The following VPS9D1 variants were observed in gnomAD, a reference collection of about 807,000 sequenced individuals.
The protein encoded by VPS9D1 is VPS9 domain-containing protein 1.
A neutral mutation model predicts 75.8 loss-of-function variants in VPS9D1; 78 were observed. The observed-to-expected ratio is 1.03, with a 90% CI of 0.86 to 1.24. VPS9D1 has a LOEUF of 1.24. VPS9D1 is among the 50% of genes most tolerant of loss of function. The probability of loss-of-function intolerance (pLI) is 0.00; values close to 1 mark genes in which losing one functional copy is unlikely to be tolerated. For missense variants in VPS9D1, 1,057 were observed against 847.7 expected (o/e 1.25, Z -3.07); for synonymous variants, 481 against 385.6 (o/e 1.25, Z -2.90).
At chr16:89,720,241 A>C (rs111836360) in intron 1 of VPS9D1, among the ~76,000 whole-genome samples, 44,344 of 152,048 alleles carry the variant, frequency 0.29, 8,523 homozygotes, top group Non-Finnish European at 0.42. Context: ...TGGCTGGGCC[A>C]GCTTCTCTAC....
At chr16:89,709,188 G>T in intron 12 of VPS9D1, 39 bp downstream of exon 12, 1 of 1,609,006 alleles carries the variant, frequency 6.2e-7, no homozygotes, top group South Asian at 1.1e-5. Flanking sequence ...CTACTGGGAT[G>T]GGAGCCTGTC....
At position 89,709,692 on chromosome 16, in the gene VPS9D1, A is replaced by G. The variant is rs1351115550; in HGVS notation, c.1388+85T>C. 7.5e-6 allele frequency: 12 copies of G among 1,591,342 alleles called. No homozygotes were observed. In the Admixed American group the frequency reaches 1.4e-4, roughly 18 times the overall value. ...GTCTTGGGGATGGAGGGGAGCAGACAGTGCCAGGGAGCAGGGCAGGCCTCC... is the reference window on the plus strand; with the variant it reads ...GTCTTGGGGATGGAGGGGAGCAGACGGTGCCAGGGAGCAGGGCAGGCCTCC... On this transcript the variant is annotated intron_variant, in intron 11 of 14. Transcript: ENST00000389386.
chr16:89,715,291 A>G (rs998799674), intron 4 of VPS9D1, among the ~76,000 whole-genome samples: 1 of 148,528 alleles, frequency 6.7e-6, no homozygotes, highest in African/African-American at 2.5e-5. Context: ...CAGTGGCGCA[A>G]TCTCAACTCA....
Position 89,712,707 on chromosome 16 carries a change from C to A in VPS9D1, c.441G>T (p.Thr147=). ...AESQSCKKEL[T]PLEEASLQNQ... is the part of the protein sequence containing the mutation. ...TCTGCAGGGAGGCCTCCTCCAGTGG[C>A]GTCAGCTCTCTGGAAATGTGACAAG... Residue 147 remains threonine, a synonymous_variant, in exon 5 of 15, where the codon ACG becomes ACT. Transcript: ENST00000389386. 6.2e-7 allele frequency: 1 copy of A among 1,600,626 alleles called. No individual in the cohort carries two copies. Among genetic ancestry groups the A allele is most frequent in the Non-Finnish European group, 8.5e-7 (1 of 1,173,086 alleles).
intron 2 of VPS9D1, among the ~76,000 whole-genome samples, chr16:89,718,707 T>A (rs987200593): frequency 1.3e-5 from 2 of 149,966 alleles, no homozygotes; most frequent in Non-Finnish European, 3.0e-5. Flanking sequence ...CATGCCTTTT[T>A]CTTTTTCTTT....
intron 2 of VPS9D1, 95 bp from the exon 3 acceptor site, chr16:89,716,917 AC>A: frequency 8.5e-7 from 1 of 1,181,948 alleles, no homozygotes. Context: ...AGGCAAGCCC[AC>A]TGCCCCCCTC....
At chr16:89,716,931 C>T in intron 2 of VPS9D1, 109 bp from the exon 3 acceptor site, 1 of 1,038,180 alleles carries the variant, frequency 9.6e-7, no homozygotes. Flanking sequence ...CCCCCCTCAG[C>T]ACCCCCACTG....
intron 8 of VPS9D1, 104 bp downstream of exon 8, chr16:89,711,767 TCACTGCCCCCC>T (rs1955697862): frequency 1.9e-6 from 2 of 1,035,148 alleles, no homozygotes; most frequent in Non-Finnish European, 2.6e-6. Context: ...CCCCGCCCCC[TCACTGCCCCCC>T]ACAGCCTCTG....
chr16:89,709,835 C>G lies in VPS9D1; in HGVS notation c.1330G>C (p.Ala444Pro). 3 of 1,613,814 alleles carry G rather than the reference C, an allele frequency of 1.9e-6. No homozygotes were observed. Among genetic ancestry groups the G allele is most frequent in the Non-Finnish European group, 2.5e-6 (3 of 1,179,918 alleles). The stretch of plus-strand genomic sequence containing the variant: ...GAGAAAAAGGGTTCCTCAATGCAGG[C>G]CAGGCAGCGGTCCTTGGAGGCAGCT... ...NTAASKDRCL[A>P]CIEEPFFSPL... Residue 444 changes from alanine to proline, a missense_variant, in exon 11 of 15, where the codon GCC becomes CCC. Coordinates refer to ENST00000389386, the MANE Select transcript of VPS9D1 (RefSeq NM_004913.3).
intron 10 of VPS9D1, 148 bp from the exon 11 acceptor site, chr16:89,710,054 G>A: frequency 8.8e-7 from 1 of 1,137,446 alleles, no homozygotes; most frequent in South Asian, 1.6e-5. Context: ...CCTCGGCCCA[G>A]GGCAGGGAGT....
rs150321074 is a variant in VPS9D1 at position 89,710,189 on chromosome 16, T to C, written c.1259-283A>G. On this transcript the variant is annotated intron_variant, in intron 10 of 14. Transcript: ENST00000389386. ...AAACTGCAGGAACCAGGGAAGACTTTAGATCCAACCCCCTGTGGGTGGGGA... is the reference window on the plus strand; with the variant it reads ...AAACTGCAGGAACCAGGGAAGACTTCAGATCCAACCCCCTGTGGGTGGGGA... Among the ~76,000 whole-genome samples the C allele has an allele frequency of 7.6e-3, 1,158 of 152,302 alleles. 13 individuals carry two copies. Among genetic ancestry groups the C allele is most frequent in the African/African-American group, 0.027 (1,111 of 41,562 alleles).
At chr16:89,711,723 C>T (rs911401331) in intron 8 of VPS9D1, 159 bp downstream of exon 8, 2 of 935,562 alleles carry the variant, frequency 2.1e-6, no homozygotes, top group East Asian at 2.7e-5. Context: ...GCCCTGGCCC[C>T]GCCCCCTCAC....
At position 89,710,927 on chromosome 16, in the gene VPS9D1, G is replaced by C. The variant is rs758660693; in HGVS notation, c.917C>G (p.Ala306Gly). The C allele has an allele frequency of 6.7e-7, 1 of 1,486,038 alleles. No homozygotes were observed. Among genetic ancestry groups the C allele is most frequent in the Admixed American group, 2.3e-5 (1 of 43,698 alleles). 92.1% of individuals were successfully genotyped at this position (1,486,038 alleles called of 1,614,324 possible). A position where few individuals can be genotyped will look rare whatever the true frequency, so the allele number is the denominator to read the frequency against. The change falls in exon 10 of 15, where the codon GCA becomes GGA. Residue 306 changes from alanine (A) to glycine (G), a missense_variant. Transcript: ENST00000389386. ...GCAGCAGCCTGGGGCTGGCGCGGCT[G>C]CTCTGCTCACGGCGGGATACAGGGC... is the stretch of plus-strand genomic sequence containing the variant. ...YSALYPAVSR[A>G]AAPAPGCCPP... is the part of the protein sequence containing the mutation.
In VPS9D1 at chr16:89,708,491, G is replaced by T. The variant is rs182342705; in HGVS notation, c.1738C>A (p.Leu580Met). The T allele has an allele frequency of 8.4e-4, 1,353 of 1,613,172 alleles. 24 individuals carry two copies. In the Admixed American group the frequency reaches 0.021, roughly 25 times the overall value. ...DLLPILSFVV[L>M]RSGLPQLVSE... Reference sequence around the variant, plus strand: ...ACCAGCTGAGGGAGGCCGCTCCTCAGCACCACGAAGGACAGGATGGGCAGC... The same window carrying T: ...ACCAGCTGAGGGAGGCCGCTCCTCATCACCACGAAGGACAGGATGGGCAGC... The change falls in exon 14 of 15, where the codon CTG (leucine) becomes ATG (methionine). Residue 580 changes from leucine to methionine, a missense_variant. Leu to Met is a conservative substitution (Grantham distance 15). Transcript: ENST00000389386.
intron 9 of VPS9D1, 61 bp downstream of exon 9, chr16:89,711,265 AC>A: frequency 6.6e-7 from 1 of 1,519,590 alleles, no homozygotes; most frequent in Non-Finnish European, 9.0e-7. Context: ...GGCACCTGGC[AC>A]CAGGCAGAGG....
In VPS9D1 at chr16:89,708,314, GA is replaced by G. The variant is rs773138944; in HGVS notation, c.1802+112del. 465 of 1,043,508 alleles carry G rather than the reference GA, an allele frequency of 4.5e-4. 1 individual carries two copies. The highest frequency in any genetic ancestry group is 5.9e-4 in the Non-Finnish European group (420 of 709,582). 64.6% of individuals were successfully genotyped at this position (1,043,508 alleles called of 1,614,324 possible). A position where few individuals can be genotyped will look rare whatever the true frequency, so the allele number is the denominator to read the frequency against. On this transcript the variant is annotated intron_variant, in intron 14 of 14. Coordinates refer to ENST00000389386, the MANE Select transcript of VPS9D1 (RefSeq NM_004913.3). Reference sequence around the variant, plus strand: ...AGGGGCTGCCCGAAGGCATGGCTGTGACGGAGCCACACGCTACCCTCCCCAG... The same window carrying G: ...AGGGGCTGCCCGAAGGCATGGCTGTGCGGAGCCACACGCTACCCTCCCCAG...
At chr16:89,713,836 G>A (rs1037629576) in intron 4 of VPS9D1, among the ~76,000 whole-genome samples, 8 of 151,616 alleles carry the variant, frequency 5.3e-5, no homozygotes, top group African/African-American at 7.3e-5. Context: ...GTGAAACCCC[G>A]TCTCTATTAA....
At chr16:89,712,012 C>A in intron 7 of VPS9D1, 35 bp downstream of exon 7, 1 of 1,549,368 alleles carries the variant, frequency 6.5e-7, no homozygotes, top group South Asian at 1.2e-5. Context: ...CCAGGCCCTC[C>A]CCGCAGCGGC....
In VPS9D1 at chr16:89,716,770, C is replaced by A; in HGVS notation, c.228G>T (p.Gln76His). The A allele has an allele frequency of 6.3e-7, 1 of 1,594,330 alleles. No homozygotes were observed. Among genetic ancestry groups the A allele is most frequent in the Non-Finnish European group, 8.5e-7 (1 of 1,173,872 alleles). ...PDTSKMLKLAQQCLERAQSTA... is the reference protein window; with the variant it reads ...PDTSKMLKLAHQCLERAQSTA... ...TCGACTGGGCCCTCTCCAGACACTG[C>A]TGTGCTAGCTTCAGCATCTTGGAGG... is the stretch of plus-strand genomic sequence containing the variant. Residue 76 changes from glutamine (Q) to histidine (H), a missense_variant, in exon 3 of 15, where the codon CAG becomes CAT. Coordinates refer to ENST00000389386, the MANE Select transcript of VPS9D1 (RefSeq NM_004913.3).
Sources: allele counts gnomAD v4.1 joint callset (sites outside exome capture counted in the v4.1 genomes callset), GRCh38; gene constraint gnomAD v4.1.1; transcripts MANE v1.5; gene names NCBI Gene and HGNC (gene_info 2026-07-23, HGNC 2026-07-21).